The following RMDN3 variants were observed in gnomAD, a reference collection of about 807,000 sequenced individuals.
The protein encoded by RMDN3 is regulator of microtubule dynamics 3, also known as regulator of microtubule dynamics protein 3.
Under a neutral mutation model 61.8 loss-of-function variants are expected in RMDN3, and 41 were observed. The observed-to-expected ratio is 0.66, with a 90% CI of 0.52 to 0.86. The LOEUF is 0.86. Ranked by LOEUF, RMDN3 falls within the 40% of genes least tolerant of loss-of-function variation. The probability of loss-of-function intolerance (pLI) is 0.00; values close to 1 mark genes in which losing one functional copy is unlikely to be tolerated. For synonymous variants in RMDN3, 247 were observed against 232.0 expected, an observed-to-expected ratio of 1.06 and a Z score of -0.59; for missense variants, 557 against 585.3, an observed-to-expected ratio of 0.95 and a Z score of 0.50.
chr15:40,754,603 G>A lies in RMDN3; in HGVS notation c.181C>T (p.Arg61Cys). ...LDYTQTSDPG[R>C]HVMLLRAVPG... is the part of the protein sequence containing the mutation. ...TCAGGAGACGGGCTCCTACCGTGGC[G>A]TCCGGGATCTGAAGTCTGCGTATAG... The change falls in exon 2 of 13, where the codon CGC (arginine) becomes TGC (cysteine). Residue 61 changes from arginine to cysteine, a missense_variant. Arg to Cys is a radical substitution (Grantham distance 180). Transcript: ENST00000338376. 1.9e-6 allele frequency: 3 copies of A among 1,611,224 alleles called. No individual in the cohort carries two copies. The highest frequency in any genetic ancestry group is 2.5e-6 in the Non-Finnish European group (3 of 1,178,188).
intron 7 of RMDN3, chr15:40,739,451 A>AAAAGTTTCAGCAACAG (rs1491332655): frequency 6.6e-6 from 1 of 152,314 alleles, no homozygotes; most frequent in Non-Finnish European, 1.5e-5. Context: ...TTGCAGAGAC[A>AAAAGTTTCAGCAACAG]AAAGTTTCAG....
At chr15:40,745,916 T>A (rs1170472697) in intron 4 of RMDN3, among the ~76,000 whole-genome samples, 1 of 152,084 alleles carries the variant, frequency 6.6e-6, no homozygotes, top group Non-Finnish European at 1.5e-5. Flanking sequence ...CAACCAAACC[T>A]AAACCGCAAC....
rs965267785 is a variant in RMDN3 at position 40,755,076 on chromosome 15, C to A, written c.-8+7G>T. On this transcript the variant is annotated splice_region_variant and intron_variant, in intron 1 of 12. Transcript: ENST00000338376. ...CAGAGTCCGGCTTCTGGGCCTTCAA[C>A]CCCCACCTCAGCCTCACGACACTGC... 5 of 361,644 alleles carry A rather than the reference C, an allele frequency of 1.4e-5. No homozygotes were observed. Among genetic ancestry groups the A allele is most frequent in the Admixed American group, 4.5e-5 (1 of 22,144 alleles). The allele number at this position is 361,644 out of a possible 1,614,324, so 22.4% of individuals were successfully genotyped here. A position where few individuals can be genotyped will look rare whatever the true frequency, so the allele number is the denominator to read the frequency against.
intron 6 of RMDN3, among the ~76,000 whole-genome samples, chr15:40,741,083 AAAC>A (rs559932562): frequency 2.9e-4 from 27 of 94,696 alleles, no homozygotes; most frequent in South Asian, 1.7e-3. Context: ...ACCTCAAAAA[AAAC>A]AACAACAACG....
At chr15:40,750,213 T>G (rs945012669) in intron 4 of RMDN3, among the ~76,000 whole-genome samples, 4 of 35,084 alleles carry the variant, frequency 1.1e-4, no homozygotes, top group African/African-American at 2.4e-4. Context: ...CCAGCTCGTT[T>G]TTTTTTTTTT....
intron 12 of RMDN3, 52 bp from the exon 13 acceptor site, chr15:40,736,646 C>T (rs1282168508): frequency 1.3e-6 from 2 of 1,543,502 alleles, no homozygotes; most frequent in East Asian, 4.5e-5. Context: ...CAGCATTTTC[C>T]CAAACCAGTG....
At position 40,745,201 on chromosome 15, in the gene RMDN3, C is replaced by T; in HGVS notation, c.583G>A (p.Asp195Asn). 1 of 1,614,088 alleles carries T rather than the reference C, an allele frequency of 6.2e-7. No homozygotes were observed. Among genetic ancestry groups the T allele is most frequent in the Non-Finnish European group, 8.5e-7 (1 of 1,180,026 alleles). ...NERDSDKESE[D>N]GEDEVSCETV... is the part of the protein sequence containing the mutation. ...TCACAGCTCACTTCATCTTCCCCGT[C>T]CTCACTTTCTTTGTCAGAGTCCCGC... Residue 195 changes from aspartate (D) to asparagine (N), a missense_variant, in exon 5 of 13, where the codon GAC becomes AAC. By Grantham distance (23) the Asp-to-Asn change is conservative. Coordinates refer to ENST00000338376, the MANE Select transcript of RMDN3 (RefSeq NM_018145.3).
At chr15:40,739,855 T>A (rs1897210054) in intron 7 of RMDN3, among the ~76,000 whole-genome samples, 1 of 152,124 alleles carries the variant, frequency 6.6e-6, no homozygotes, top group South Asian at 2.1e-4. Flanking sequence ...TCCAGTTTTG[T>A]AGCTAGGATG....
intron 4 of RMDN3, chr15:40,747,829 C>G (rs1254114255): frequency 6.6e-6 from 1 of 152,088 alleles, no homozygotes; most frequent in Non-Finnish European, 1.5e-5. Context: ...TTAAGTTTCT[C>G]TTAACCTAAA....
At chr15:40,743,307 G>C (rs1170506071) in intron 6 of RMDN3, among the ~76,000 whole-genome samples, 2 of 152,020 alleles carry the variant, frequency 1.3e-5, no homozygotes, top group African/African-American at 4.8e-5. Flanking sequence ...TGTAATCCCA[G>C]CTACTGGGGA....
intron 2 of RMDN3, 145 bp from the exon 3 acceptor site, chr15:40,752,323 T>TGGTAACAAG: frequency 1.2e-6 from 1 of 802,122 alleles, no homozygotes; most frequent in East Asian, 2.7e-5. Flanking sequence ...AGCCAGGTCA[T>TGGTAACAAG]GGTAACAAGT....
intron 1 of RMDN3, 24 bp from the exon 2 acceptor site, chr15:40,754,814 GAGCA>G (rs1258681389): frequency 2.2e-5 from 30 of 1,382,770 alleles, no homozygotes; most frequent in African/African-American, 1.5e-5. Flanking sequence ...AAGTCACCGG[GAGCA>G]GGCAGGCGGG....
Position 40,738,563 on chromosome 15 carries a change from A to C in RMDN3, c.985T>G (p.Cys329Gly). 4 of 1,614,060 alleles carry C rather than the reference A, an allele frequency of 2.5e-6. No homozygotes were observed. Among genetic ancestry groups the C allele is most frequent in the Non-Finnish European group, 3.4e-6 (4 of 1,179,984 alleles). The change falls in exon 8 of 13, where the codon TGT (cysteine) becomes GGT (glycine). Residue 329 changes from cysteine to glycine, a missense_variant. By Grantham distance (159) the Cys-to-Gly change is radical (BLOSUM62 -3). Coordinates refer to ENST00000338376, the MANE Select transcript of RMDN3 (RefSeq NM_018145.3). ...CTCTCATGCTCAGCCAGCTGACCAC[A>C]AAGCACCGCATACCTAGGGGGGAAG... The part of the protein sequence containing the change: ...ADCHLWYAVL[C>G]GQLAEHESIQ...
In RMDN3 at chr15:40,738,559, C is replaced by A. The variant is rs770200666; in HGVS notation, c.989G>T (p.Gly330Val). ...DCHLWYAVLCGQLAEHESIQR... is the reference protein window; with the variant it reads ...DCHLWYAVLCVQLAEHESIQR... ...GATGCTCTCATGCTCAGCCAGCTGACCACAAAGCACCGCATACCTAGGGGG... is the reference window on the plus strand; with the variant it reads ...GATGCTCTCATGCTCAGCCAGCTGAACACAAAGCACCGCATACCTAGGGGG... Residue 330 changes from glycine to valine, a missense_variant, in exon 8 of 13, where the codon GGT (glycine) becomes GTT (valine). Gly to Val is a moderately radical substitution (Grantham distance 109, BLOSUM62 -3). Transcript: ENST00000338376. 1 of 1,614,110 alleles carries A rather than the reference C, an allele frequency of 6.2e-7. No individual in the cohort carries two copies. The highest frequency in any genetic ancestry group is 2.2e-5 in the East Asian group (1 of 44,886).
intron 3 of RMDN3, 77 bp downstream of exon 3, chr15:40,751,909 C>G: frequency 1.4e-6 from 2 of 1,450,858 alleles, no homozygotes; most frequent in South Asian, 1.3e-5. Context: ...TAGAGACAGA[C>G]AGCGAAGGCC....
In RMDN3 at chr15:40,737,296, T is replaced by TA; in HGVS notation, c.1269dup (p.Ile424TyrfsTer13). The TA allele has an allele frequency of 1.2e-6, 2 of 1,614,022 alleles. No individual in the cohort carries two copies. The highest frequency in any genetic ancestry group is 1.7e-6 in the Non-Finnish European group (2 of 1,179,890). On this transcript the variant is annotated frameshift_variant, in exon 11 of 13. Coordinates refer to ENST00000338376, the MANE Select transcript of RMDN3 (RefSeq NM_018145.3). LOFTEE classifies it high-confidence loss of function. The stretch of plus-strand genomic sequence containing the variant: ...TAGACAAATGAGTTTACCTTGGAAA[T>TA]ATATACCCTTCCTGCTTTGGAAAAT...
chr15:40,745,153 C>T lies in RMDN3; in HGVS notation c.631G>A (p.Asp211Asn), dbSNP rs1897470279. The T allele has an allele frequency of 6.2e-7, 1 of 1,614,192 alleles. No homozygotes were observed. Among genetic ancestry groups the T allele is most frequent in the Non-Finnish European group, 8.5e-7 (1 of 1,180,036 alleles). ...GCCTCTTCCTCCAAGTCAAGAGAATCCTTTCTCCCCATCTTCACAGTCTCA... is the reference window on the plus strand; with the variant it reads ...GCCTCTTCCTCCAAGTCAAGAGAATTCTTTCTCCCCATCTTCACAGTCTCA... ...SCETVKMGRK[D>N]SLDLEEEAAS... The change falls in exon 5 of 13, where the codon GAT (aspartate) becomes AAT (asparagine). Residue 211 changes from aspartate to asparagine, a missense_variant. By Grantham distance (23) the Asp-to-Asn change is conservative. Transcript: ENST00000338376.
At chr15:40,737,589 T>G (rs1170808133) in intron 10 of RMDN3, 39 bp downstream of exon 10, 2 of 1,549,436 alleles carry the variant, frequency 1.3e-6, no homozygotes, top group South Asian at 2.2e-5. Context: ...AAAACAAGGT[T>G]ACCCTGGTGT....
Position 40,737,145 on chromosome 15 carries a change from C to T in RMDN3, c.1338G>A (p.Glu446=). 6.2e-7 allele frequency: 1 copy of T among 1,614,198 alleles called. No homozygotes were observed. The highest frequency in any genetic ancestry group is 8.5e-7 in the Non-Finnish European group (1 of 1,180,012). The change falls in exon 12 of 13, where the codon GAG becomes GAA. Residue 446 remains glutamate (E), a synonymous_variant. Coordinates refer to ENST00000338376, the MANE Select transcript of RMDN3 (RefSeq NM_018145.3). ...EARWWMKLAL[E]LPDVTKEDLA... is the part of the protein sequence containing the mutation. Reference sequence around the variant, plus strand: ...TTACCTCCTTCGTGACATCTGGCAGCTCCAGGGCCAACTTCATCCACCATC... The same window carrying T: ...TTACCTCCTTCGTGACATCTGGCAGTTCCAGGGCCAACTTCATCCACCATC...
Sources: gnomAD v4.1 joint callset for allele counts (sites outside exome capture counted in the v4.1 genomes callset) on GRCh38, gnomAD v4.1.1 for gene constraint, MANE v1.5 for transcripts, NCBI Gene and HGNC (gene_info 2026-07-23, HGNC 2026-07-21) for gene names.